The following BRIP1 variants were observed in gnomAD, a reference collection of about 807,000 sequenced individuals.
The protein encoded by BRIP1 is BRCA1 interacting DNA helicase 1.
Under a neutral mutation model 119.7 loss-of-function variants are expected in BRIP1, and 88 were observed. The ratio of observed to expected loss-of-function variants is 0.74; its 90% CI spans 0.62 to 0.88. The LOEUF (loss-of-function observed/expected upper bound fraction) is 0.88, where lower values mean the gene tolerates loss of function less well. Ranked by LOEUF, BRIP1 falls within the 40% of genes least tolerant of loss-of-function variation. The pLI, the probability that BRIP1 is intolerant of heterozygous loss-of-function variation, is 0.00. For synonymous variants in BRIP1, 443 were observed against 496.5 expected (o/e 0.89, Z 1.43); for missense variants, 1,259 against 1,455.4 (o/e 0.87, Z 2.20).
In BRIP1 at chr17:61,774,641, T is replaced by A. The variant is rs2077507046; in HGVS notation, c.2097+1760A>T. ...TTTACTGTTTTAAGCCACAAAAAAA[T>A]TAAACAAAAACCTGCAGAACAATTA... On this transcript the variant is annotated intron_variant, in intron 14 of 19. Transcript: ENST00000259008. This position sits in a 1 kb window ranked among gnomAD's most constrained non-coding sequence, Gnocchi z 5.8. 1.3e-5 allele frequency among the ~76,000 whole-genome samples: 2 copies of A among 152,126 alleles called. No individual in the cohort carries two copies. Among genetic ancestry groups the A allele is most frequent in the East Asian group, 1.9e-4 (1 of 5,168 alleles).
rs1158741814 is a variant in BRIP1, at chr17:61,765,423, A to ATTTTT, written c.2097+10973_2097+10977dup. 9.7e-4 allele frequency among the ~76,000 whole-genome samples: 8 copies of ATTTTT among 8,236 alleles called. 1 individual carries two copies. The highest frequency in any genetic ancestry group is 2.3e-3 in the African/African-American group (3 of 1,332). 5.4% of individuals were successfully genotyped at this position (8,236 alleles called of 152,430 possible). A position where few individuals can be genotyped will look rare whatever the true frequency, so the allele number is the denominator to read the frequency against. Reference sequence around the variant, plus strand: ...TATATATATATATATATATATATATATTTTTTTTTTTTTTTTTTTTTTTTT... The same window carrying ATTTTT: ...TATATATATATATATATATATATATATTTTTTTTTTTTTTTTTTTTTTTTTTTTTT... On this transcript the variant is annotated intron_variant, in intron 14 of 19. Coordinates refer to ENST00000259008, the MANE Select transcript of BRIP1 (RefSeq NM_032043.3).
In BRIP1 at chr17:61,709,273, A is replaced by G. The variant is rs1368074104; in HGVS notation, c.2492+6678T>C. Reference sequence around the variant, plus strand: ...GTTTTCCAGTGTTCAAAATGTGTTGATATCGCTTGTCTGTCACTGTCTCCT... The same window carrying G: ...GTTTTCCAGTGTTCAAAATGTGTTGGTATCGCTTGTCTGTCACTGTCTCCT... On this transcript the variant is annotated intron_variant, in intron 17 of 19. Coordinates refer to ENST00000259008, the MANE Select transcript of BRIP1 (RefSeq NM_032043.3). The surrounding 1 kb of genome is among the most constrained non-coding windows in gnomAD (Gnocchi z 5.0). 1.3e-5 allele frequency among the ~76,000 whole-genome samples: 2 copies of G among 152,080 alleles called. No homozygotes were observed. The highest frequency in any genetic ancestry group is 1.3e-4 in the Admixed American group (2 of 15,266).
chr17:61,763,337 G>A (rs1425705896), intron 14 of BRIP1, among the ~76,000 whole-genome samples: 1 of 152,032 alleles, frequency 6.6e-6, no homozygotes, highest in Non-Finnish European at 1.5e-5. Flanking sequence ...TCGGGTAAAG[G>A]GGTATATGAG....
chr17:61,693,636 A>T lies in BRIP1; in HGVS notation c.2493-124T>A. 5.0e-6 allele frequency: 4 copies of T among 802,252 alleles called. No homozygotes were observed. The South Asian group carries it at 6.2e-5, about 12-fold the overall frequency. The allele number at this position is 802,252 out of a possible 1,614,324, so 49.7% of individuals were successfully genotyped here. A position where few individuals can be genotyped will look rare whatever the true frequency, so the allele number is the denominator to read the frequency against. On this transcript the variant is annotated intron_variant, in intron 17 of 19. Coordinates refer to ENST00000259008, the MANE Select transcript of BRIP1 (RefSeq NM_032043.3). This position sits in a 1 kb window ranked among gnomAD's most constrained non-coding sequence, Gnocchi z 4.2. The stretch of plus-strand genomic sequence containing the variant: ...AGATTCCTTTAAACAATTTGTTATT[A>T]TCAGAAAAGTTACAGAAGCTATCCA...
At position 61,807,351 on chromosome 17, in the gene BRIP1, TCAA is replaced by T. The variant is rs958779075; in HGVS notation, c.918+1113_918+1115del. Among the ~76,000 whole-genome samples, 7 of 152,236 alleles carry T rather than the reference TCAA, an allele frequency of 4.6e-5. No individual in the cohort carries two copies. Among genetic ancestry groups the T allele is most frequent in the African/African-American group, 1.7e-4 (7 of 41,472 alleles). On this transcript the variant is annotated intron_variant, in intron 7 of 19. Coordinates refer to ENST00000259008, the MANE Select transcript of BRIP1 (RefSeq NM_032043.3). The surrounding 1 kb of genome is among the most constrained non-coding windows in gnomAD (Gnocchi z 4.5). ...TGGAAATAAATATGACTGTAGGATTTCAACAATGACTTTGATTCAGTAATTCTG... is the reference window on the plus strand; with the variant it reads ...TGGAAATAAATATGACTGTAGGATTTCAATGACTTTGATTCAGTAATTCTG...
rs770566254 is a variant in BRIP1, at chr17:61,832,548, C to A, written c.627+14553G>T. 1.3e-5 allele frequency among the ~76,000 whole-genome samples: 2 copies of A among 152,214 alleles called. No individual in the cohort carries two copies. Among genetic ancestry groups the A allele is most frequent in the Non-Finnish European group, 2.9e-5 (2 of 68,034 alleles). On this transcript the variant is annotated intron_variant, in intron 6 of 19. Transcript: ENST00000259008. This position sits in a 1 kb window ranked among gnomAD's most constrained non-coding sequence, Gnocchi z 5.5. The stretch of plus-strand genomic sequence containing the variant: ...AAGATGCAATGAGCAGAAGGCATCA[C>A]TTCTGTGACATTCCTGCCAAAGATA...
At chr17:61,788,026 TAGAA>T (rs1166889240) in intron 10 of BRIP1, among the ~76,000 whole-genome samples, 7 of 151,680 alleles carry the variant, frequency 4.6e-5, no homozygotes, top group African/African-American at 1.2e-4. Context: ...CATGAAGAAA[TAGAA>T]AGAAATGAGA....
chr17:61,854,507 G>C (rs1431845582), intron 4 of BRIP1, among the ~76,000 whole-genome samples: 1 of 152,022 alleles, frequency 6.6e-6, no homozygotes, highest in Non-Finnish European at 1.5e-5. Flanking sequence ...AGGAGCTACA[G>C]AGCAGCCTGA....
Position 61,753,223 on chromosome 17 carries a change from G to C in BRIP1, c.2098-8632C>G, listed in dbSNP as rs888159016. On this transcript the variant is annotated intron_variant, in intron 14 of 19. Coordinates refer to ENST00000259008, the MANE Select transcript of BRIP1 (RefSeq NM_032043.3). This position sits in a 1 kb window ranked among gnomAD's most constrained non-coding sequence, Gnocchi z 4.6. ...GGCCCGCACCAGATGCAGCCTCTCA[G>C]TCTTGAACTTCTCAGCCTCTGTAAC... 2.0e-5 allele frequency among the ~76,000 whole-genome samples: 3 copies of C among 152,148 alleles called. No homozygotes were observed. Among genetic ancestry groups the C allele is most frequent in the African/African-American group, 7.2e-5 (3 of 41,434 alleles).
rs1393481577 is a variant in BRIP1, at chr17:61,762,567, T to C, written c.2097+13834A>G. ...CTCAATTTAAAAATGGGCAAGGGAT[T>C]TGAATAGACATTTCTAAAAGAAGAC... On this transcript the variant is annotated intron_variant, in intron 14 of 19. Transcript: ENST00000259008. This position sits in a 1 kb window ranked among gnomAD's most constrained non-coding sequence, Gnocchi z 4.3. Among the ~76,000 whole-genome samples, 1 of 152,068 alleles carries C rather than the reference T, an allele frequency of 6.6e-6. No individual in the cohort carries two copies. Among genetic ancestry groups the C allele is most frequent in the African/African-American group, 2.4e-5 (1 of 41,420 alleles).
At chr17:61,721,179 A>T (rs2061966764) in intron 16 of BRIP1, among the ~76,000 whole-genome samples, 2 of 152,014 alleles carry the variant, frequency 1.3e-5, no homozygotes, top group African/African-American at 2.4e-5. Context: ...ATGCTTTAGG[A>T]AAGAAAACAG....
intron 17 of BRIP1, among the ~76,000 whole-genome samples, chr17:61,698,709 A>T (rs1051204521): frequency 6.7e-5 from 10 of 149,616 alleles, no homozygotes; most frequent in South Asian, 6.4e-4. Context: ...ATTTTTTTTT[A>T]TTTTTTATTT....
Position 61,778,847 on chromosome 17 carries a change from C to T in BRIP1, c.1935+1414G>A, listed in dbSNP as rs1028293146. ...TTCTAGGTTCCCAACTACCAAATGC[C>T]GTAGTTGCTCCCAAGTAATTGTGAG... On this transcript the variant is annotated intron_variant, in intron 13 of 19. Transcript: ENST00000259008. The surrounding 1 kb of genome is among the most constrained non-coding windows in gnomAD (Gnocchi z 4.4). 2.6e-5 allele frequency among the ~76,000 whole-genome samples: 4 copies of T among 152,102 alleles called. No individual in the cohort carries two copies. Among genetic ancestry groups the T allele is most frequent in the South Asian group, 2.1e-4 (1 of 4,830 alleles).
chr17:61,728,119 G>A (rs561660085), intron 16 of BRIP1, among the ~76,000 whole-genome samples: 7 of 152,026 alleles, frequency 4.6e-5, no homozygotes, highest in South Asian at 2.1e-4. Flanking sequence ...GTGAGCCACC[G>A]CGCCTGGCCA....
At chr17:61,863,040 T>C (rs1440755388) in intron 1 of BRIP1, among the ~76,000 whole-genome samples, 3 of 152,026 alleles carry the variant, frequency 2.0e-5, no homozygotes, top group Non-Finnish European at 2.9e-5. Context: ...CCCCCAAACA[T>C]TGCATAAAGG....
chr17:61,817,006 T>C (rs568032560), intron 6 of BRIP1, among the ~76,000 whole-genome samples: 16 of 152,328 alleles, frequency 1.1e-4, no homozygotes, highest in African/African-American at 3.8e-4. Flanking sequence ...CACAGATTAT[T>C]CATTAATTAC....
chr17:61,838,823 T>C (rs1049032358), intron 6 of BRIP1, among the ~76,000 whole-genome samples: 8 of 151,968 alleles, frequency 5.3e-5, no homozygotes, highest in African/African-American at 1.9e-4. Context: ...AGAAAAGTTC[T>C]AATATATGGA....
chr17:61,800,259 T>G (rs2077969769), intron 8 of BRIP1, among the ~76,000 whole-genome samples: 1 of 152,168 alleles, frequency 6.6e-6, no homozygotes, highest in Non-Finnish European at 1.5e-5. Context: ...ACAAAGCAAT[T>G]GTCAATGAGT....
rs886053206 is a variant in BRIP1, at chr17:61,680,628, C to T, written c.*2668G>A. Among the ~76,000 whole-genome samples the T allele has an allele frequency of 6.6e-6, 1 of 151,548 alleles. No homozygotes were observed. The highest frequency in any genetic ancestry group is 1.5e-5 in the Non-Finnish European group (1 of 67,866). ...CTGAGTAGCTGGGACTACAGGCGCC[C>T]GCCACCACGCCTGGCTAATTTTTTG... On this transcript the variant is annotated 3_prime_UTR_variant, in exon 20 of 20. Coordinates refer to ENST00000259008, the MANE Select transcript of BRIP1 (RefSeq NM_032043.3).
Sources: gnomAD v4.1 joint callset for allele counts (sites outside exome capture counted in the v4.1 genomes callset) on GRCh38, gnomAD v4.1.1 for gene constraint, Gnocchi (gnomAD v3.1) non-coding constraint, MANE v1.5 for transcripts, NCBI Gene and HGNC (gene_info 2026-07-23, HGNC 2026-07-21) for gene names.